The following MYO5B variants were observed in gnomAD, a reference collection of about 807,000 sequenced individuals.
MYO5B encodes myosin VB.
A neutral mutation model predicts 229.3 loss-of-function variants in MYO5B; 143 were observed. The observed-to-expected ratio is 0.62, with a 90% CI of 0.54 to 0.72. MYO5B has a LOEUF of 0.72. Ranked by LOEUF, MYO5B falls within the 30% of genes least tolerant of loss-of-function variation. The probability of loss-of-function intolerance (pLI) is 0.00; values close to 1 mark genes in which losing one functional copy is unlikely to be tolerated. For missense variants in MYO5B, 2,321 were observed against 2,331.0 expected (o/e 1.00, Z 0.09); for synonymous variants, 918 against 885.2 (o/e 1.04, Z -0.66).
chr18:49,837,809 T>G lies in MYO5B; in HGVS notation c.4853-7A>C. On this transcript the variant is annotated splice_polypyrimidine_tract_variant and splice_region_variant and intron_variant, in intron 36 of 39. Transcript: ENST00000285039. ...TTTTCCAACATGGCAGAAACTGAAA[T>G]AAAAGCACAGTTAGAGAAGCTTGCA... is the stretch of plus-strand genomic sequence containing the variant. The G allele has an allele frequency of 6.2e-7, 1 of 1,613,840 alleles. No homozygotes were observed. Among genetic ancestry groups the G allele is most frequent in the Non-Finnish European group, 8.5e-7 (1 of 1,179,998 alleles).
rs780635979 is a variant in MYO5B, at chr18:49,936,386, C to G, written c.1906-37G>C. Reference sequence around the variant, plus strand: ...AAAGCCAGTGCTTGGTTAGTTTTAACAAGTCGTGGATGTGTGATAAAGAAA... The same window carrying G: ...AAAGCCAGTGCTTGGTTAGTTTTAAGAAGTCGTGGATGTGTGATAAAGAAA... On this transcript the variant is annotated intron_variant, in intron 15 of 39. Transcript: ENST00000285039. 15 of 1,464,180 alleles carry G rather than the reference C, an allele frequency of 1.0e-5. No individual in the cohort carries two copies. The Admixed American group carries it at 2.9e-4, about 28-fold the overall frequency. 90.7% of individuals were successfully genotyped at this position (1,464,180 alleles called of 1,614,324 possible). A position where few individuals can be genotyped will look rare whatever the true frequency, so the allele number is the denominator to read the frequency against.
At position 50,194,752 on chromosome 18, in the gene MYO5B, C is replaced by A; in HGVS notation, c.27+15G>T. The A allele has an allele frequency of 6.8e-7, 1 of 1,479,704 alleles. No individual in the cohort carries two copies. Among genetic ancestry groups the A allele is most frequent in the Non-Finnish European group, 8.9e-7 (1 of 1,119,124 alleles). The allele number at this position is 1,479,704 out of a possible 1,614,324, so 91.7% of individuals were successfully genotyped here. On this transcript the variant is annotated intron_variant, in intron 1 of 39. Coordinates refer to ENST00000285039, the MANE Select transcript of MYO5B (RefSeq NM_001080467.3). ...CACCCCGGCCCCGGGGCGCCTCCCT[C>A]GCGGCCGCGCTCACCTGGCTGTAGA...
chr18:49,867,448 G>A (rs2024409634), intron 27 of MYO5B, among the ~76,000 whole-genome samples: 1 of 152,110 alleles, frequency 6.6e-6, no homozygotes, highest in South Asian at 2.1e-4. Context: ...TTGGGAGGAT[G>A]TGTGGGTGGG....
rs1371238454 is a variant in MYO5B, at chr18:50,001,393, G to C, written c.474C>G (p.Ser158=). 1 of 1,614,116 alleles carries C rather than the reference G, an allele frequency of 6.2e-7. No individual in the cohort carries two copies. The highest frequency in any genetic ancestry group is 2.2e-5 in the East Asian group (1 of 44,874). Residue 158 remains serine (S), a synonymous_variant, in exon 5 of 40, where the codon TCC becomes TCG. Transcript: ENST00000285039. Reference sequence around the variant, plus strand: ...CTCCAGACTCCCCACTGACTATGATGGACTGATTCTTCTCATCTCTGGAAG... The same window carrying C: ...CTCCAGACTCCCCACTGACTATGATCGACTGATTCTTCTCATCTCTGGAAG... The part of the protein sequence containing the change: ...KQMARDEKNQ[S]IIVSGESGAG...
chr18:50,104,805 G>A lies in MYO5B; in HGVS notation c.28-49427C>T, dbSNP rs139967166. Reference sequence around the variant, plus strand: ...TGAACAGACATGGACCGCACAGGTAGCATCTGCCCCTTATTAACCTTGAAA... The same window carrying A: ...TGAACAGACATGGACCGCACAGGTAACATCTGCCCCTTATTAACCTTGAAA... On this transcript the variant is annotated intron_variant, in intron 1 of 39. Coordinates refer to ENST00000285039, the MANE Select transcript of MYO5B (RefSeq NM_001080467.3). Among the ~76,000 whole-genome samples the A allele has an allele frequency of 4.1e-3, 620 of 152,264 alleles. 7 individuals are homozygous for A. The highest frequency in any genetic ancestry group is 0.014 in the African/African-American group (587 of 41,564).
At chr18:50,185,031 C>T (rs941092294) in intron 1 of MYO5B, among the ~76,000 whole-genome samples, 1 of 151,868 alleles carries the variant, frequency 6.6e-6, no homozygotes, top group Non-Finnish European at 1.5e-5. Context: ...GCCATGATTG[C>T]ACCACCACAC....
chr18:50,119,959 C>T (rs556479283), intron 1 of MYO5B, among the ~76,000 whole-genome samples: 9 of 152,140 alleles, frequency 5.9e-5, no homozygotes, highest in African/African-American at 2.2e-4. Context: ...CCTCTCATAG[C>T]TCCAAAGTTG....
At chr18:50,129,912 T>C (rs1240079650) in intron 1 of MYO5B, among the ~76,000 whole-genome samples, 1 of 152,188 alleles carries the variant, frequency 6.6e-6, no homozygotes, top group African/African-American at 2.4e-5. Flanking sequence ...AGTGCTTCTT[T>C]AGACAGAAAA....
intron 17 of MYO5B, among the ~76,000 whole-genome samples, chr18:49,922,608 C>G (rs568902885): frequency 6.6e-6 from 1 of 152,200 alleles, no homozygotes; most frequent in South Asian, 2.1e-4. Context: ...AGGGAATCCT[C>G]TCTTTGACCC....
chr18:49,889,689 G>A (rs1255956824), intron 22 of MYO5B, among the ~76,000 whole-genome samples: 9 of 152,200 alleles, frequency 5.9e-5, no homozygotes, highest in Admixed American at 5.2e-4. Flanking sequence ...CCTACACACA[G>A]TCAATATCCC....
chr18:50,063,567 G>A (rs1049908830), intron 1 of MYO5B, among the ~76,000 whole-genome samples: 7 of 152,120 alleles, frequency 4.6e-5, no homozygotes, highest in Admixed American at 1.3e-4. Context: ...GAGCAACCTC[G>A]GGGGAGAGGA....
intron 1 of MYO5B, among the ~76,000 whole-genome samples, chr18:50,056,552 G>A (rs548431756): frequency 1.3e-5 from 2 of 152,260 alleles, no homozygotes; most frequent in Admixed American, 1.3e-4. Context: ...AATATTATCA[G>A]GAAACCTGAA....
rs1333780954 is a variant in MYO5B at position 50,168,710 on chromosome 18, G to T, written c.27+26057C>A. Among the ~76,000 whole-genome samples the T allele has an allele frequency of 3.4e-5, 3 of 87,786 alleles. 1 individual carries two copies. Among genetic ancestry groups the T allele is most frequent in the African/African-American group, 1.3e-4 (3 of 22,774 alleles). 57.6% of individuals were successfully genotyped at this position (87,786 alleles called of 152,430 possible). A position where few individuals can be genotyped will look rare whatever the true frequency, so the allele number is the denominator to read the frequency against. On this transcript the variant is annotated intron_variant, in intron 1 of 39. Transcript: ENST00000285039. ...GGTCAATCACCCTCCTCACTTTCTT[G>T]TTTTGGTCTTAAGTGTCCAAAACAC...
chr18:49,831,330 C>A (rs1308931878), intron 39 of MYO5B, among the ~76,000 whole-genome samples: 2 of 152,130 alleles, frequency 1.3e-5, no homozygotes, highest in East Asian at 1.9e-4. Context: ...AGTGAAAAGA[C>A]AACCCACAGA....
At chr18:50,020,008 T>C (rs1169395489) in intron 4 of MYO5B, among the ~76,000 whole-genome samples, 2 of 152,068 alleles carry the variant, frequency 1.3e-5, no homozygotes, top group Non-Finnish European at 2.9e-5. Context: ...TGGCTGTGTC[T>C]TCAACATCAC....
chr18:49,845,461 A>C (rs944759526), intron 33 of MYO5B, among the ~76,000 whole-genome samples: 2 of 152,184 alleles, frequency 1.3e-5, no homozygotes, highest in Non-Finnish European at 1.5e-5. Context: ...GTTTCTCTAA[A>C]ATAATGCTTG....
At chr18:50,041,679 A>T (rs929614744) in intron 2 of MYO5B, among the ~76,000 whole-genome samples, 4 of 152,172 alleles carry the variant, frequency 2.6e-5, no homozygotes, top group Non-Finnish European at 2.9e-5. Context: ...ATTAAAAAAA[A>T]ATTTTTTTAA....
At chr18:50,042,231 C>A (rs4265917) in intron 2 of MYO5B, among the ~76,000 whole-genome samples, 2 of 152,268 alleles carry the variant, frequency 1.3e-5, no homozygotes, top group African/African-American at 4.8e-5. Flanking sequence ...TATGGACTCA[C>A]TGAAGCTATA....
At chr18:49,874,267 T>G (rs1405549522) in intron 26 of MYO5B, among the ~76,000 whole-genome samples, 1 of 152,204 alleles carries the variant, frequency 6.6e-6, no homozygotes, top group Non-Finnish European at 1.5e-5. Flanking sequence ...TCCAGAGAAG[T>G]TCTAAAGCCA....
Sources: gnomAD v4.1 joint callset for allele counts (sites outside exome capture counted in the v4.1 genomes callset) on GRCh38, gnomAD v4.1.1 for gene constraint, MANE v1.5 for transcripts, NCBI Gene and HGNC (gene_info 2026-07-23, HGNC 2026-07-21) for gene names.